NT5DC4: variants seen among roughly 807,000 people sequenced by gnomAD.
NT5DC4 encodes 5'-nucleotidase domain-containing protein 4.
NT5DC4 carries 44 observed loss-of-function variants against 26.6 expected under a neutral mutation model. The ratio of observed to expected loss-of-function variants is 1.65; its 90% confidence interval spans 1.30 to 2.13. The LOEUF is 2.13. NT5DC4 is among the 30% of genes most tolerant of loss of function. The probability of loss-of-function intolerance (pLI) is 0.00; values close to 1 mark genes in which losing one functional copy is unlikely to be tolerated. For missense variants in NT5DC4, 399 were observed against 228.1 expected (o/e 1.75, Z -4.83); for synonymous variants, 157 against 86.7 (o/e 1.81, Z -4.51).
chr2:112,740,651 C>A (rs992419494), downstream of NT5DC4, among the ~76,000 whole-genome samples: 2 of 152,074 alleles, frequency 1.3e-5, no homozygotes, highest in South Asian at 4.1e-4. Flanking sequence ...AAAAGGTAGG[C>A]GAGACCATAG....
At chr2:112,724,022 G>T in intron 9 of NT5DC4, 72 bp from the exon 10 acceptor site, 1 of 715,434 alleles carries the variant, frequency 1.4e-6, no homozygotes, top group South Asian at 1.5e-5. Flanking sequence ...GTGTGCTGGG[G>T]GGATGGTGGG....
At chr2:112,738,857 G>A (rs555882310) in intron 16 of NT5DC4, 56 bp from the exon 17 acceptor site, 1 of 1,613,424 alleles carries the variant, frequency 6.2e-7, no homozygotes, top group Non-Finnish European at 8.5e-7. Flanking sequence ...CAATGTTACA[G>A]GCAGCGCCTC....
At chr2:112,738,033 C>T (rs1679463660) in intron 16 of NT5DC4, 1 of 152,152 alleles carries the variant, frequency 6.6e-6, no homozygotes, top group Non-Finnish European at 1.5e-5. Flanking sequence ...AAGCAACCTA[C>T]AACAGTCTCT....
upstream of NT5DC4, among the ~76,000 whole-genome samples, chr2:112,719,721 T>A (rs1171995685): frequency 2.0e-5 from 3 of 151,910 alleles, no homozygotes; most frequent in Non-Finnish European, 4.4e-5. Flanking sequence ...CCCGACCTAG[T>A]GATCTGCCCG....
chr2:112,737,774 T>G (rs1360207892), intron 16 of NT5DC4: 1 of 152,204 alleles, frequency 6.6e-6, no homozygotes, highest in Non-Finnish European at 1.5e-5. Flanking sequence ...TCCTTGTTTC[T>G]TAGGACAGCC....
In NT5DC4 at chr2:112,722,700, C is replaced by G. The variant is rs1415188298; in HGVS notation, c.470-14C>G. Reference sequence around the variant, plus strand: ...CTCCCTGGGCTGACAACTGACCATCCTGTCTGCCCCCAGAAACCTACCTCT... The same window carrying G: ...CTCCCTGGGCTGACAACTGACCATCGTGTCTGCCCCCAGAAACCTACCTCT... On this transcript the variant is annotated splice_polypyrimidine_tract_variant and intron_variant, in intron 5 of 16. Coordinates refer to ENST00000688554, the MANE Select transcript of NT5DC4 (RefSeq NM_001393655.1). 1.8e-5 allele frequency: 13 copies of G among 717,540 alleles called. No homozygotes were observed. Among genetic ancestry groups the G allele is most frequent in the Admixed American group, 1.8e-4 (9 of 50,000 alleles). The allele number at this position is 717,540 out of a possible 1,614,324, so 44.4% of individuals were successfully genotyped here. A position where few individuals can be genotyped will look rare whatever the true frequency, so the allele number is the denominator to read the frequency against.
chr2:112,726,732 G>A lies in NT5DC4; in HGVS notation c.1260G>A (p.Glu420=), dbSNP rs565571738. ...ELQVINFTKR[E]IQMPHESVVE... is the part of the protein sequence containing the mutation. Reference sequence around the variant, plus strand: ...AAGTCATCAACTTCACCAAGAGAGAGATCCAGGTGGGAGCTGGGTGGCGAG... The same window carrying A: ...AAGTCATCAACTTCACCAAGAGAGAAATCCAGGTGGGAGCTGGGTGGCGAG... Residue 420 remains glutamate (E), a synonymous_variant, in exon 15 of 17, where the codon GAG becomes GAA. Transcript: ENST00000688554. 8 of 717,534 alleles carry A rather than the reference G, an allele frequency of 1.1e-5. No individual in the cohort carries two copies. The highest frequency in any genetic ancestry group is 2.0e-5 in the Admixed American group (1 of 50,024). 44.4% of individuals were successfully genotyped at this position (717,534 alleles called of 1,614,324 possible). A position where few individuals can be genotyped will look rare whatever the true frequency, so the allele number is the denominator to read the frequency against.
chr2:112,722,805 C>T lies in NT5DC4; in HGVS notation c.527+34C>T, dbSNP rs987377649. The T allele has an allele frequency of 4.2e-6, 3 of 715,910 alleles. No individual in the cohort carries two copies. The South Asian group carries it at 4.4e-5, about 11-fold the overall frequency. 44.3% of individuals were successfully genotyped at this position (715,910 alleles called of 1,614,324 possible). The stretch of plus-strand genomic sequence containing the variant: ...TGTGCCCTGCCCAGCCCTGGGACGA[C>T]CAGTAGGACACTGCTCAGGGACCAA... On this transcript the variant is annotated intron_variant, in intron 6 of 16. Coordinates refer to ENST00000688554, the MANE Select transcript of NT5DC4 (RefSeq NM_001393655.1).
chr2:112,736,790 T>C lies in NT5DC4; in HGVS notation c.1345-2123T>C, dbSNP rs970095782. 4 of 152,386 alleles carry C rather than the reference T, an allele frequency of 2.6e-5. No homozygotes were observed. In the South Asian group the frequency reaches 8.3e-4, roughly 32 times the overall value. 9.4% of individuals were successfully genotyped at this position (152,386 alleles called of 1,614,324 possible). On this transcript the variant is annotated intron_variant, in intron 16 of 16. Coordinates refer to ENST00000688554, the MANE Select transcript of NT5DC4 (RefSeq NM_001393655.1). ...GAACTCCCTCTTTTCCAAGGATGAATACTATTCCACGGCATGCATATGCCG... is the reference window on the plus strand; with the variant it reads ...GAACTCCCTCTTTTCCAAGGATGAACACTATTCCACGGCATGCATATGCCG...
chr2:112,728,592 G>C (rs1678063852), intron 15 of NT5DC4, among the ~76,000 whole-genome samples: 1 of 152,186 alleles, frequency 6.6e-6, no homozygotes, highest in Non-Finnish European at 1.5e-5. Context: ...CTAGACCTCT[G>C]AGGCTCCCTG....
At chr2:112,731,705 C>T (rs1381066248) in intron 16 of NT5DC4, 1 of 152,190 alleles carries the variant, frequency 6.6e-6, no homozygotes, top group East Asian at 1.9e-4. Context: ...TCAGTTTACT[C>T]CTACAGTTTA....
At chr2:112,738,758 G>A (rs1679585185) in intron 16 of NT5DC4, 155 bp from the exon 17 acceptor site, 2 of 1,104,126 alleles carry the variant, frequency 1.8e-6, no homozygotes, top group Non-Finnish European at 1.4e-6. Flanking sequence ...CAGGTCACTT[G>A]GACAAGAATA....
At chr2:112,741,278 A>G (rs373157419), downstream of NT5DC4, among the ~76,000 whole-genome samples, 3 of 151,852 alleles carry the variant, frequency 2.0e-5, no homozygotes, top group Non-Finnish European at 2.9e-5. Context: ...GACTCTGAAC[A>G]TATCTCCAGT....
At position 112,723,748 on chromosome 2, in the gene NT5DC4, G is replaced by A. The variant is rs1293081026; in HGVS notation, c.702G>A (p.Met234Ile). The change falls in exon 9 of 17, where the codon ATG becomes ATA. Residue 234 changes from methionine (M) to isoleucine (I), a missense_variant. Coordinates refer to ENST00000688554, the MANE Select transcript of NT5DC4 (RefSeq NM_001393655.1). ...GCCTCCCCATCCTGCTGGGGAAGAT[G>A]AAGGAGGTTGGGAAAGTGTTTCTGG... is the stretch of plus-strand genomic sequence containing the variant. The part of the protein sequence containing the change: ...DPRLPILLGK[M>I]KEVGKVFLAT... The A allele has an allele frequency of 1.4e-6, 1 of 717,322 alleles. No homozygotes were observed. The highest frequency in any genetic ancestry group is 2.6e-6 in the Non-Finnish European group (1 of 385,070). The allele number at this position is 717,322 out of a possible 1,614,324, so 44.4% of individuals were successfully genotyped here. A position where few individuals can be genotyped will look rare whatever the true frequency, so the allele number is the denominator to read the frequency against.
intron 16 of NT5DC4, 68 bp from the exon 17 acceptor site, chr2:112,738,845 C>A (rs371804096): frequency 2.5e-6 from 4 of 1,611,424 alleles, no homozygotes; most frequent in Middle Eastern, 1.7e-4. Flanking sequence ...GGTTTGAAAC[C>A]CCAATGTTAC....
intron 16 of NT5DC4, chr2:112,736,752 T>C (rs992980989): frequency 6.6e-6 from 1 of 152,242 alleles, no homozygotes; most frequent in Non-Finnish European, 1.5e-5. Context: ...ATCTATGTTG[T>C]GGCAAATGGC....
rs577493394 is a variant in NT5DC4, at chr2:112,735,816, G to A, written c.1345-3097G>A. Among the ~76,000 whole-genome samples the A allele has an allele frequency of 3.9e-5, 6 of 152,162 alleles. No homozygotes were observed. The South Asian group carries it at 1.2e-3, about 32-fold the overall frequency. Reference sequence around the variant, plus strand: ...TGTCTGCAAGACTCTATAGTCTGACGAGGCTGATCGAAACCTCCAATGTGC... The same window carrying A: ...TGTCTGCAAGACTCTATAGTCTGACAAGGCTGATCGAAACCTCCAATGTGC... On this transcript the variant is annotated intron_variant, in intron 16 of 16. Transcript: ENST00000688554.
intron 16 of NT5DC4, among the ~76,000 whole-genome samples, chr2:112,732,411 T>C (rs1346334030): frequency 6.7e-6 from 1 of 148,430 alleles, no homozygotes; most frequent in Non-Finnish European, 1.5e-5. Flanking sequence ...CTGGCCTGTG[T>C]CTTTACAGGG....
chr2:112,721,340 A>G (rs557620730), intron 1 of NT5DC4, 187 bp downstream of exon 1: 7 of 651,794 alleles, frequency 1.1e-5, no homozygotes, highest in Admixed American at 8.5e-5. Flanking sequence ...GACCACACAC[A>G]CTCCGGCGGG....
Sources: allele counts gnomAD v4.1 joint callset (sites outside exome capture counted in the v4.1 genomes callset), GRCh38; gene constraint gnomAD v4.1.1; transcripts MANE v1.5; gene names NCBI Gene and HGNC (gene_info 2026-07-23, HGNC 2026-07-21).